The following SFRP5 variants were observed in gnomAD, a reference collection of about 807,000 sequenced individuals.
SFRP5 encodes secreted frizzled related protein 5, also known as secreted frizzled-related protein 5.
Under a neutral mutation model 27.0 loss-of-function variants are expected in SFRP5, and 22 were observed. The observed-to-expected ratio is 0.82, with a 90% confidence interval of 0.58 to 1.17. The LOEUF is 1.17. Among genes scored for constraint, SFRP5 ranks in the 50% most tolerant of loss-of-function variants. The pLI, the probability that SFRP5 is intolerant of heterozygous loss-of-function variation, is 0.00. For synonymous variants in SFRP5, 171 were observed against 195.0 expected (o/e 0.88, Z 1.03); for missense variants, 406 against 436.6 (o/e 0.93, Z 0.63).
At chr10:97,770,500 G>C (rs1590135520) in intron 1 of SFRP5, among the ~76,000 whole-genome samples, 1 of 152,176 alleles carries the variant, frequency 6.6e-6, no homozygotes, top group Non-Finnish European at 1.5e-5. Flanking sequence ...ACAGAAAAGG[G>C]GAGGCTGAGA....
rs1393268402 is a variant in SFRP5 at position 97,771,203 on chromosome 10, T to C, written c.529+102A>G. ...CTAGGACAGCGTGTGTGTGTGTGTGTGGGCGGAGGGGGGGAGCTGCACCTC... is the reference window on the plus strand; with the variant it reads ...CTAGGACAGCGTGTGTGTGTGTGTGCGGGCGGAGGGGGGGAGCTGCACCTC... On this transcript the variant is annotated intron_variant, in intron 1 of 2. Coordinates refer to ENST00000266066, the MANE Select transcript of SFRP5 (RefSeq NM_003015.3). The surrounding 1 kb of genome is among the most constrained non-coding windows in gnomAD (Gnocchi z 5.2). 11 of 590,436 alleles carry C rather than the reference T, an allele frequency of 1.9e-5. No individual in the cohort carries two copies. The East Asian group carries it at 3.4e-4, about 18-fold the overall frequency. 36.6% of individuals were successfully genotyped at this position (590,436 alleles called of 1,614,324 possible).
rs1439352666 is a variant in SFRP5 at position 97,771,212 on chromosome 10, G to T, written c.529+93C>A. 8.4e-6 allele frequency: 6 copies of T among 711,732 alleles called. No homozygotes were observed. The highest frequency in any genetic ancestry group is 5.9e-5 in the Admixed American group (2 of 33,746). 44.1% of individuals were successfully genotyped at this position (711,732 alleles called of 1,614,324 possible). On this transcript the variant is annotated intron_variant, in intron 1 of 2. Coordinates refer to ENST00000266066, the MANE Select transcript of SFRP5 (RefSeq NM_003015.3). This position sits in a 1 kb window ranked among gnomAD's most constrained non-coding sequence, Gnocchi z 5.2. ...CGTGTGTGTGTGTGTGTGGGCGGAG[G>T]GGGGGAGCTGCACCTCTTGGGGGGT...
rs1359681442 is a variant in SFRP5, at chr10:97,771,195, T to G, written c.529+110A>C. The G allele has an allele frequency of 8.3e-6, 5 of 603,666 alleles. No individual in the cohort carries two copies. The highest frequency in any genetic ancestry group is 1.1e-5 in the Non-Finnish European group (4 of 355,172). 37.4% of individuals were successfully genotyped at this position (603,666 alleles called of 1,614,324 possible). On this transcript the variant is annotated intron_variant, in intron 1 of 2. Coordinates refer to ENST00000266066, the MANE Select transcript of SFRP5 (RefSeq NM_003015.3). The surrounding 1 kb of genome is among the most constrained non-coding windows in gnomAD (Gnocchi z 5.2). ...GGGCTGAGCTAGGACAGCGTGTGTGTGTGTGTGTGGGCGGAGGGGGGGAGC... is the reference window on the plus strand; with the variant it reads ...GGGCTGAGCTAGGACAGCGTGTGTGGGTGTGTGTGGGCGGAGGGGGGGAGC...
chr10:97,769,585 TG>T, intron 2 of SFRP5, 82 bp downstream of exon 2: 1 of 893,994 alleles, frequency 1.1e-6, no homozygotes, highest in African/African-American at 1.6e-5. Flanking sequence ...GTGATGGATG[TG>T]GGCATGTATG....
At position 97,771,756 on chromosome 10, in the gene SFRP5, C is replaced by T. The variant is rs1184087161; in HGVS notation, c.78G>A (p.Pro26=). The T allele has an allele frequency of 1.3e-6, 2 of 1,589,924 alleles. No individual in the cohort carries two copies. Among genetic ancestry groups the T allele is most frequent in the African/African-American group, 2.7e-5 (2 of 74,324 alleles). ...ALLLGALHWA[P]ARCEEYDYYG... The stretch of plus-strand genomic sequence containing the variant: ...AGTAGTCGTACTCCTCGCAGCGCGC[C>T]GGCGCCCAGTGCAGCGCCCCCAGCA... The change falls in exon 1 of 3, where the codon CCG becomes CCA. Residue 26 remains proline, a synonymous_variant. Transcript: ENST00000266066. This position sits in a 1 kb window ranked among gnomAD's most constrained non-coding sequence, Gnocchi z 5.2.
intron 2 of SFRP5, 127 bp downstream of exon 2, chr10:97,769,541 G>A (rs1338599809): frequency 1.1e-5 from 7 of 665,050 alleles, no homozygotes; most frequent in Admixed American, 7.0e-5. Flanking sequence ...GCTTCTAAAC[G>A]GGAGCCATGA....
At chr10:97,768,280 C>A (rs919226581) in intron 2 of SFRP5, among the ~76,000 whole-genome samples, 1 of 152,044 alleles carries the variant, frequency 6.6e-6, no homozygotes, top group Non-Finnish European at 1.5e-5. Context: ...ACTTCCTGAT[C>A]TCTGGGGATG....
At position 97,771,808 on chromosome 10, in the gene SFRP5, C is replaced by G. The variant is rs1263652810; in HGVS notation, c.26G>C (p.Gly9Ala). ...CAGCGCCAGCGCGGCCGTCCGCACG[C>G]CCCCCCCCGCCGCCGCCGCCCGCAT... MRAAAAGG[G>A]VRTAALALLL... Residue 9 changes from glycine (G) to alanine (A), a missense_variant, in exon 1 of 3, where the codon GGC (glycine) becomes GCC (alanine). By Grantham distance (60) the Gly-to-Ala change is moderately conservative. Coordinates refer to ENST00000266066, the MANE Select transcript of SFRP5 (RefSeq NM_003015.3). This position sits in a 1 kb window ranked among gnomAD's most constrained non-coding sequence, Gnocchi z 5.2. 1 of 1,117,510 alleles carries G rather than the reference C, an allele frequency of 8.9e-7. No individual in the cohort carries two copies. 69.2% of individuals were successfully genotyped at this position (1,117,510 alleles called of 1,614,324 possible).
chr10:97,770,225 A>C (rs1170711022), intron 1 of SFRP5, among the ~76,000 whole-genome samples: 1 of 152,148 alleles, frequency 6.6e-6, no homozygotes. Context: ...GTGTGCCACC[A>C]CGCTCGGCTA....
intron 1 of SFRP5, among the ~76,000 whole-genome samples, chr10:97,770,030 A>G (rs1370175193): frequency 2.0e-5 from 3 of 151,982 alleles, no homozygotes; most frequent in Admixed American, 1.3e-4. Context: ...TTTAAATTTT[A>G]TCTCCTCTCA....
rs2136471609 is a variant in SFRP5 at position 97,767,769 on chromosome 10, G to A, written c.699C>T (p.Gly233=). Residue 233 remains glycine (G), a synonymous_variant, in exon 3 of 3, where the codon GGC becomes GGT. Transcript: ENST00000266066. ...GCTTGGTGTCCTTGCGCTTCAGGGG[G>A]CCCGGCTTGAGCAGCTTCTTCTTTT... ...AQKKKKLLKP[G]PLKRKDTKRL... 9.4e-6 allele frequency: 15 copies of A among 1,587,372 alleles called. No individual in the cohort carries two copies. Among genetic ancestry groups the A allele is most frequent in the Non-Finnish European group, 1.3e-5 (15 of 1,167,992 alleles).
At chr10:97,768,083 G>T (rs1463986059) in intron 2 of SFRP5, among the ~76,000 whole-genome samples, 3 of 152,114 alleles carry the variant, frequency 2.0e-5, no homozygotes, top group Non-Finnish European at 4.4e-5. Flanking sequence ...GTACAGAAGA[G>T]GGGAATTGAG....
Position 97,771,181 on chromosome 10 carries a change from G to C in SFRP5, c.529+124C>G. 1.6e-6 allele frequency: 1 copy of C among 632,880 alleles called. No homozygotes were observed. The highest frequency in any genetic ancestry group is 2.7e-6 in the Non-Finnish European group (1 of 373,496). 39.2% of individuals were successfully genotyped at this position (632,880 alleles called of 1,614,324 possible). On this transcript the variant is annotated intron_variant, in intron 1 of 2. Transcript: ENST00000266066. The surrounding 1 kb of genome is among the most constrained non-coding windows in gnomAD (Gnocchi z 5.2). ...ATTCCGGGGACGCTGGGCTGAGCTA[G>C]GACAGCGTGTGTGTGTGTGTGTGGG...
rs1387925187 is a variant in SFRP5 at position 97,767,342 on chromosome 10, C to T, written c.*172G>A. 1 of 569,996 alleles carries T rather than the reference C, an allele frequency of 1.8e-6. No homozygotes were observed. Among genetic ancestry groups the T allele is most frequent in the Admixed American group, 3.4e-5 (1 of 29,194 alleles). 35.3% of individuals were successfully genotyped at this position (569,996 alleles called of 1,614,324 possible). A position where few individuals can be genotyped will look rare whatever the true frequency, so the allele number is the denominator to read the frequency against. ...GAGGAAGCCCAACATCCCAGGGACC[C>T]CAGGACCCCTGGGTCAAAAAGGACA... is the stretch of plus-strand genomic sequence containing the variant. On this transcript the variant is annotated 3_prime_UTR_variant, in exon 3 of 3. Coordinates refer to ENST00000266066, the MANE Select transcript of SFRP5 (RefSeq NM_003015.3).
chr10:97,768,420 C>T (rs902090925), intron 2 of SFRP5, among the ~76,000 whole-genome samples: 6 of 151,960 alleles, frequency 3.9e-5, no homozygotes, highest in African/African-American at 1.2e-4. Flanking sequence ...ATTTAACAGC[C>T]GGCTCTGTGG....
chr10:97,771,375 G>C lies in SFRP5; in HGVS notation c.459C>G (p.His153Gln), dbSNP rs2049514871. 4 of 1,612,154 alleles carry C rather than the reference G, an allele frequency of 2.5e-6. No individual in the cohort carries two copies. The highest frequency in any genetic ancestry group is 3.4e-6 in the Non-Finnish European group (4 of 1,179,272). Residue 153 changes from histidine to glutamine, a missense_variant, in exon 1 of 3, where the codon CAC (histidine) becomes CAG (glutamine). His to Gln is a conservative substitution (Grantham distance 24, BLOSUM62 0). Coordinates refer to ENST00000266066, the MANE Select transcript of SFRP5 (RefSeq NM_003015.3). The surrounding 1 kb of genome is among the most constrained non-coding windows in gnomAD (Gnocchi z 5.2). ...AGAGGTCGTTGTCCAGGGGGAACTT[G>C]TGGCAGTGCAGCATCTCAGGCCAGG... The part of the protein sequence containing the change: ...GFPWPEMLHC[H>Q]KFPLDNDLCI...
Position 97,771,686 on chromosome 10 carries a change from G to C in SFRP5, c.148C>G (p.Pro50Ala). ...GCAGGGATGTCAAGGCACTGCGGCG[G>C]CTTGGAGTAGGAGCGGCCGTGCAGC... Reference protein sequence around the residue: ...EPLHGRSYSKPPQCLDIPADL... With the variant: ...EPLHGRSYSKAPQCLDIPADL... Residue 50 changes from proline (P) to alanine (A), a missense_variant, in exon 1 of 3, where the codon CCG becomes GCG. Transcript: ENST00000266066. This position sits in a 1 kb window ranked among gnomAD's most constrained non-coding sequence, Gnocchi z 5.2. 1 of 1,600,160 alleles carries C rather than the reference G, an allele frequency of 6.2e-7. No homozygotes were observed. The highest frequency in any genetic ancestry group is 8.5e-7 in the Non-Finnish European group (1 of 1,179,526).
intron 1 of SFRP5, 57 bp from the exon 2 acceptor site, chr10:97,769,802 C>A: frequency 7.8e-7 from 1 of 1,285,630 alleles, no homozygotes; most frequent in Non-Finnish European, 1.1e-6. Flanking sequence ...ATTGGAGTTC[C>A]AAGAGCCACT....
intron 2 of SFRP5, among the ~76,000 whole-genome samples, chr10:97,768,639 G>A (rs1183789761): frequency 6.6e-6 from 1 of 152,146 alleles, no homozygotes; most frequent in African/African-American, 2.4e-5. Flanking sequence ...TAGGAGTGGG[G>A]CAGGGGGTGT....
Sources: gnomAD v4.1 joint callset for allele counts (sites outside exome capture counted in the v4.1 genomes callset) on GRCh38, gnomAD v4.1.1 for gene constraint, Gnocchi (gnomAD v3.1) non-coding constraint, MANE v1.5 for transcripts, NCBI Gene and HGNC (gene_info 2026-07-23, HGNC 2026-07-21) for gene names.